The following CIT variants were observed in gnomAD, a reference collection of about 807,000 sequenced individuals.
CIT encodes citron Rho-interacting kinase.
CIT carries 79 observed loss-of-function variants against 272.7 expected under a neutral mutation model. The observed-to-expected ratio is 0.29, with a 90% CI of 0.24 to 0.35. CIT has a LOEUF of 0.35. Ranked by LOEUF, CIT falls within the 10% of genes least tolerant of loss-of-function variation. The probability of loss-of-function intolerance (pLI) is 1.00; values close to 1 mark genes in which losing one functional copy is unlikely to be tolerated. For missense variants in CIT, 1,909 were observed against 2,618.3 expected, an observed-to-expected ratio of 0.73 and a Z score of 5.91; for synonymous variants, 948 against 995.6, an observed-to-expected ratio of 0.95 and a Z score of 0.90.
At chr12:119,836,672 T>C (rs910386192) in intron 5 of CIT, among the ~76,000 whole-genome samples, 20 of 152,214 alleles carry the variant, frequency 1.3e-4, no homozygotes, top group Admixed American at 5.9e-4. Flanking sequence ...GCCACAGTTA[T>C]AAATTTCCTA....
chr12:119,754,280 A>G (rs147813435), intron 22 of CIT, among the ~76,000 whole-genome samples: 1 of 152,206 alleles, frequency 6.6e-6, no homozygotes, highest in African/African-American at 2.4e-5. Context: ...TCAAACCCAG[A>G]AAGTCTGGCT....
intron 5 of CIT, among the ~76,000 whole-genome samples, chr12:119,849,679 CTTTT>C (rs986578783): frequency 1.5e-5 from 1 of 67,674 alleles, no homozygotes; most frequent in Non-Finnish European, 4.9e-5. Flanking sequence ...GAGGCTGTTT[CTTTT>C]TTTTTCTTTT....
intron 9 of CIT, among the ~76,000 whole-genome samples, chr12:119,817,294 G>A (rs1422982157): frequency 1.3e-5 from 2 of 151,826 alleles, no homozygotes; most frequent in Admixed American, 6.6e-5. Flanking sequence ...GGTGGATCAC[G>A]AGGTCAGGAG....
At chr12:119,707,756 T>C (rs1331249078) in intron 40 of CIT, among the ~76,000 whole-genome samples, 3 of 152,138 alleles carry the variant, frequency 2.0e-5, no homozygotes, top group African/African-American at 7.2e-5. Flanking sequence ...TGCCTCGGCC[T>C]CCCAAAGTGC....
chr12:119,814,457 T>A (rs564004995), intron 9 of CIT, among the ~76,000 whole-genome samples: 17 of 152,182 alleles, frequency 1.1e-4, no homozygotes, highest in Non-Finnish European at 2.4e-4. Flanking sequence ...TAAGTTGAAT[T>A]TCTACCATCA....
At chr12:119,707,646 C>T (rs536661906) in intron 40 of CIT, among the ~76,000 whole-genome samples, 5 of 152,206 alleles carry the variant, frequency 3.3e-5, no homozygotes, top group African/African-American at 7.2e-5. Flanking sequence ...GGATTACAGG[C>T]GCCCGCCACC....
At chr12:119,838,607 G>T (rs1969187661) in intron 5 of CIT, among the ~76,000 whole-genome samples, 1 of 152,142 alleles carries the variant, frequency 6.6e-6, no homozygotes, top group Admixed American at 6.5e-5. Flanking sequence ...AACCAATATG[G>T]CTCCCTACTC....
intron 26 of CIT, among the ~76,000 whole-genome samples, chr12:119,733,664 G>A (rs1211319795): frequency 6.6e-6 from 1 of 152,130 alleles, no homozygotes; most frequent in African/African-American, 2.4e-5. Context: ...GTGGGAAGGG[G>A]GTTGTTGGTG....
Position 119,697,680 on chromosome 12 carries a change from C to T in CIT, c.5861G>A (p.Arg1954Gln), listed in dbSNP as rs756807158. 11 of 1,613,884 alleles carry T rather than the reference C, an allele frequency of 6.8e-6. No homozygotes were observed. Among genetic ancestry groups the T allele is most frequent in the South Asian group, 6.6e-5 (6 of 91,082 alleles). Residue 1954 changes from arginine (R) to glutamine (Q), a missense_variant, in exon 46 of 48, where the codon CGG becomes CAG. This residue lies in a region of CIT where 780 missense variants were observed against 1,067.2 expected (regional missense o/e 0.73). Coordinates refer to ENST00000392521, the MANE Select transcript of CIT (RefSeq NM_001206999.2). This position sits in a 1 kb window ranked among gnomAD's most constrained non-coding sequence, Gnocchi z 4.9. ...TTACCTGCGGGAGGTGGACGGGCCC[C>T]GGTGGTGTTCAGTGCCGGACTCCTT... is the stretch of plus-strand genomic sequence containing the variant. ...LVKESGTEHHRGPSTSRSSPN... is the reference protein window; with the variant it reads ...LVKESGTEHHQGPSTSRSSPN...
intron 5 of CIT, among the ~76,000 whole-genome samples, chr12:119,841,555 A>G (rs1399011777): frequency 6.6e-6 from 1 of 152,160 alleles, no homozygotes; most frequent in Non-Finnish European, 1.5e-5. Context: ...CAGTAATAAG[A>G]ATTTTAGCTT....
Position 119,690,373 on chromosome 12 carries a change from G to T in CIT, c.5964C>A (p.Gly1988=). The change falls in exon 47 of 48, where the codon GGC becomes GGA. Residue 1988 remains glycine (G), a synonymous_variant. Transcript: ENST00000392521. This position sits in a 1 kb window ranked among gnomAD's most constrained non-coding sequence, Gnocchi z 6.0. ...RVASSPAPPE[G]PSHPREPSTP... is the part of the protein sequence containing the mutation. ...TGCTTGGCTCTCGCGGGTGGCTGGG[G>T]CCTTCGGGCGGCGCTGGGCTGGAGG... 2 of 1,597,530 alleles carry T rather than the reference G, an allele frequency of 1.3e-6. No homozygotes were observed. Among genetic ancestry groups the T allele is most frequent in the Non-Finnish European group, 1.7e-6 (2 of 1,178,046 alleles).
rs1964629253 is a variant in CIT at position 119,784,864 on chromosome 12, G to A, written c.1401+96C>T. 12 of 1,521,354 alleles carry A rather than the reference G, an allele frequency of 7.9e-6. No individual in the cohort carries two copies. Among genetic ancestry groups the A allele is most frequent in the South Asian group, 1.3e-5 (1 of 76,866 alleles). The allele number at this position is 1,521,354 out of a possible 1,614,324, so 94.2% of individuals were successfully genotyped here. On this transcript the variant is annotated intron_variant, in intron 11 of 47. Coordinates refer to ENST00000392521, the MANE Select transcript of CIT (RefSeq NM_001206999.2). This position sits in a 1 kb window ranked among gnomAD's most constrained non-coding sequence, Gnocchi z 4.7. ...GCGCCTCACTCTCTACGGATCAGGC[G>A]GCTCAGAGCCAGCAGCGGCCCCGGG...
chr12:119,823,026 A>C, intron 8 of CIT, 53 bp from the exon 9 acceptor site: 2 of 1,530,168 alleles, frequency 1.3e-6, no homozygotes, highest in Non-Finnish European at 1.8e-6. Context: ...TCCGTTTCTC[A>C]TGCTGCAAAG....
chr12:119,718,547 G>A lies in CIT; in HGVS notation c.4004-138C>T. 2 of 1,395,038 alleles carry A rather than the reference G, an allele frequency of 1.4e-6. No homozygotes were observed. Among genetic ancestry groups the A allele is most frequent in the Non-Finnish European group, 2.0e-6 (2 of 1,015,980 alleles). The allele number at this position is 1,395,038 out of a possible 1,614,324, so 86.4% of individuals were successfully genotyped here. Reference sequence around the variant, plus strand: ...TCACATCAACTTGGCAATGCACAGGGGCCATACGTTTTTCAGACATGGGAT... The same window carrying A: ...TCACATCAACTTGGCAATGCACAGGAGCCATACGTTTTTCAGACATGGGAT... On this transcript the variant is annotated intron_variant, in intron 31 of 47. Transcript: ENST00000392521. The surrounding 1 kb of genome is among the most constrained non-coding windows in gnomAD (Gnocchi z 4.8).
intron 9 of CIT, among the ~76,000 whole-genome samples, chr12:119,803,813 A>G (rs1400615610): frequency 6.6e-6 from 1 of 152,092 alleles, no homozygotes; most frequent in Non-Finnish European, 1.5e-5. Flanking sequence ...CTAAATTATT[A>G]ATGATTAGCA....
chr12:119,713,278 G>C lies in CIT; in HGVS notation c.4504C>G (p.Gln1502Glu). The change falls in exon 35 of 48, where the codon CAG becomes GAG. Residue 1502 changes from glutamine (Q) to glutamate (E), a missense_variant. This residue lies in a region of CIT where 780 missense variants were observed against 1,067.2 expected (regional missense o/e 0.73). Transcript: ENST00000392521. The surrounding 1 kb of genome is among the most constrained non-coding windows in gnomAD (Gnocchi z 5.2). ...ATGTACTTCCTGTCCCAGCCTTGCT[G>C]TCCTCGTTTGTTATTCCTGGGGAAA... Reference protein sequence around the residue: ...MKVPRNNKRGQQGWDRKYIVL... With the variant: ...MKVPRNNKRGEQGWDRKYIVL... 6.2e-7 allele frequency: 1 copy of C among 1,614,006 alleles called. No individual in the cohort carries two copies. The highest frequency in any genetic ancestry group is 8.5e-7 in the Non-Finnish European group (1 of 1,179,914).
At chr12:119,759,902 T>TG (rs1315461794) in intron 20 of CIT, among the ~76,000 whole-genome samples, 1 of 151,966 alleles carries the variant, frequency 6.6e-6, no homozygotes, top group African/African-American at 2.4e-5. Flanking sequence ...GATCCTGATG[T>TG]GGGGTCGGGC....
At chr12:119,790,828 T>C (rs1026260972) in intron 10 of CIT, among the ~76,000 whole-genome samples, 4 of 152,212 alleles carry the variant, frequency 2.6e-5, no homozygotes, top group East Asian at 1.9e-4. Flanking sequence ...ATGTCAATAG[T>C]GCCAACTTGA....
chr12:119,823,075 T>G (rs1967861495), intron 8 of CIT, 102 bp from the exon 9 acceptor site: 3 of 1,300,904 alleles, frequency 2.3e-6, no homozygotes, highest in Non-Finnish European at 3.1e-6. Context: ...TTTCTTTTTT[T>G]TTGTTTTTTA....
Sources: gnomAD v4.1 joint callset for allele counts (sites outside exome capture counted in the v4.1 genomes callset) on GRCh38, gnomAD v4.1.1 for gene constraint, gnomAD v4.1.1 regional missense constraint, Gnocchi (gnomAD v3.1) non-coding constraint, MANE v1.5 for transcripts, NCBI Gene and HGNC (gene_info 2026-07-23, HGNC 2026-07-21) for gene names.